Variants in LYST observed in about 807,000 individuals in gnomAD.
LYST encodes lysosomal-trafficking regulator.
LYST carries 192 observed loss-of-function variants against 413.6 expected under a neutral mutation model. The ratio of observed to expected loss-of-function variants is 0.46; its 90% CI spans 0.41 to 0.52. The LOEUF (loss-of-function observed/expected upper bound fraction) is 0.52. Ranked by LOEUF, LYST falls within the 20% of genes least tolerant of loss-of-function variation. The probability of loss-of-function intolerance (pLI) is 0.00; values close to 1 mark genes in which losing one functional copy is unlikely to be tolerated. For synonymous variants in LYST, 1,525 were observed against 1,567.3 expected (o/e 0.97, Z 0.64); for missense variants, 3,815 against 4,499.9 (o/e 0.85, Z 4.35).
Position 235,808,656 on chromosome 1 carries a change from T to C in LYST, c.2162A>G (p.Lys721Arg). The change falls in exon 5 of 53, where the codon AAA (lysine) becomes AGA (arginine). Residue 721 changes from lysine (K) to arginine (R), a missense_variant. By Grantham distance (26) the Lys-to-Arg change is conservative. Around this residue, in one of 4 missense-constraint regions of LYST, gnomAD observed 1,648 missense variants for 1,810.3 expected, o/e 0.91. Coordinates refer to ENST00000389793, the MANE Select transcript of LYST (RefSeq NM_000081.4). ...IANHICNLIQ[K>R]GNIVVQWKLY... ...TTTCCACTGAACAACTATATTGCCTTTCTGGATTAAATTGCAAATGTGATT... is the reference window on the plus strand; with the variant it reads ...TTTCCACTGAACAACTATATTGCCTCTCTGGATTAAATTGCAAATGTGATT... The C allele has an allele frequency of 6.2e-7, 1 of 1,613,478 alleles. No homozygotes were observed. Among genetic ancestry groups the C allele is most frequent in the Admixed American group, 1.7e-5 (1 of 59,960 alleles).
chr1:235,754,414 TACAG>T (rs1324254281), intron 25 of LYST, among the ~76,000 whole-genome samples: 1 of 151,834 alleles, frequency 6.6e-6, no homozygotes, highest in Non-Finnish European at 1.5e-5. Flanking sequence ...GTATTTTTAG[TACAG>T]ACAGTTTCAT....
In LYST at chr1:235,788,811, A is replaced by T. The variant is rs117609949; in HGVS notation, c.4578T>A (p.Asn1526Lys). 83 of 1,613,738 alleles carry T rather than the reference A, an allele frequency of 5.1e-5. No homozygotes were observed. In the East Asian group the frequency reaches 1.7e-3, roughly 33 times the overall value. Residue 1526 changes from asparagine to lysine, a missense_variant, in exon 13 of 53, where the codon AAT (asparagine) becomes AAA (lysine). Coordinates refer to ENST00000389793, the MANE Select transcript of LYST (RefSeq NM_000081.4). ...CTTCTTCTATGAGTCTTTCACCAGGATTTATGTACTCTGCACCTTCTGGTC... is the reference window on the plus strand; with the variant it reads ...CTTCTTCTATGAGTCTTTCACCAGGTTTTATGTACTCTGCACCTTCTGGTC... ...SDRPEGAEYI[N>K]PGERLIEEGC...
Position 235,662,991 on chromosome 1 carries a change from G to A in LYST, c.11355C>T (p.Arg3785=), listed in dbSNP as rs150849914. The change falls in exon 53 of 53, where the codon CGC becomes CGT. Residue 3785 remains arginine (R), a synonymous_variant. Transcript: ENST00000389793. ...VIAWCRKDQQ[R]LKQPMFYSFL... Reference sequence around the variant, plus strand: ...AGGAATAGAACATTGGCTGTTTCAAGCGCTGCTGGTCCTTCCGACACCAGG... The same window carrying A: ...AGGAATAGAACATTGGCTGTTTCAAACGCTGCTGGTCCTTCCGACACCAGG... 6.2e-7 allele frequency: 1 copy of A among 1,613,796 alleles called. No homozygotes were observed. The highest frequency in any genetic ancestry group is 8.5e-7 in the Non-Finnish European group (1 of 1,179,730).
Position 235,805,866 on chromosome 1 carries a change from T to C in LYST, c.3270A>G (p.Leu1090=), listed in dbSNP as rs765667505. 2 of 1,613,870 alleles carry C rather than the reference T, an allele frequency of 1.2e-6. No individual in the cohort carries two copies. Among genetic ancestry groups the C allele is most frequent in the Admixed American group, 1.7e-5 (1 of 59,972 alleles). Residue 1090 remains leucine (L), a synonymous_variant, in exon 6 of 53, where the codon CTA becomes CTG. Coordinates refer to ENST00000389793, the MANE Select transcript of LYST (RefSeq NM_000081.4). ...AGGTCTCACTTTCTTGACTTGTAAA[T>C]AGCTTTGCTTCCTCGGGAGCGGCTT... is the stretch of plus-strand genomic sequence containing the variant. ...ATEAAPEEAK[L]FTSQESETSL...
intron 46 of LYST, among the ~76,000 whole-genome samples, chr1:235,695,629 A>ATTTTTTTTTTTTTTTTTT (rs148101450): frequency 9.4e-5 from 11 of 116,418 alleles, no homozygotes; most frequent in African/African-American, 3.7e-4. Context: ...CAGTACTCTA[A>ATTTTTTTTTTTTTTTTTT]TTTTTTTTTT....
chr1:235,706,128 A>G (rs1339332096), intron 44 of LYST, among the ~76,000 whole-genome samples: 2 of 152,160 alleles, frequency 1.3e-5, no homozygotes, highest in Non-Finnish European at 2.9e-5. Context: ...TTGGAATCAA[A>G]TGAAGCTCAA....
At chr1:235,827,308 A>G (rs921954147) in intron 3 of LYST, 1 of 379,216 alleles carries the variant, frequency 2.6e-6, no homozygotes, top group African/African-American at 2.2e-5. Context: ...GGCTGAGGTT[A>G]CAGTGAGCCA....
At position 235,826,448 on chromosome 1, in the gene LYST, A is replaced by G. The variant is rs535717461; in HGVS notation, c.192+3778T>C. ...CAATGAAATACTAATCAGAAATTAA[A>G]AAGTAGTGAACTACTGAATTATGCA... On this transcript the variant is annotated intron_variant, in intron 3 of 52. Transcript: ENST00000389793. 2.0e-5 allele frequency among the ~76,000 whole-genome samples: 3 copies of G among 152,364 alleles called. No individual in the cohort carries two copies. In the South Asian group the frequency reaches 6.2e-4, roughly 32 times the overall value.
chr1:235,792,078 A>G lies in LYST; in HGVS notation c.4164T>C (p.Thr1388=), dbSNP rs1558251771. 1 of 1,613,458 alleles carries G rather than the reference A, an allele frequency of 6.2e-7. No homozygotes were observed. Among genetic ancestry groups the G allele is most frequent in the Non-Finnish European group, 8.5e-7 (1 of 1,179,442 alleles). ...AGGTTAGATACTGTGAAGGGCTCAT[A>G]GTAGTATCACTTTCAATAATTTTCA... is the stretch of plus-strand genomic sequence containing the variant. The part of the protein sequence containing the change: ...GILKIIESDT[T]MSPSQYLTFP... Residue 1388 remains threonine (T), a synonymous_variant, in exon 12 of 53, where the codon ACT becomes ACC. Transcript: ENST00000389793.
At position 235,830,440 on chromosome 1, in the gene LYST, T is replaced by C. The variant is rs114673990; in HGVS notation, c.-7-16A>G. 1.6e-3 allele frequency: 2,568 copies of C among 1,560,442 alleles called. 38 individuals are homozygous for C. In the African/African-American group the frequency reaches 0.031, roughly 19 times the overall value. The stretch of plus-strand genomic sequence containing the variant: ...CATGACCGAGCTATAAAATAAGTAT[T>C]ACAAAAAAAAAAGATTAGGAAAACA... On this transcript the variant is annotated splice_polypyrimidine_tract_variant and intron_variant, in intron 2 of 52. Transcript: ENST00000389793.
At chr1:235,866,268 C>T (rs1680496514) in intron 1 of LYST, among the ~76,000 whole-genome samples, 1 of 152,158 alleles carries the variant, frequency 6.6e-6, no homozygotes, top group African/African-American at 2.4e-5. Flanking sequence ...GAGAGGCTCT[C>T]GCCCAGTCAA....
chr1:235,746,539 T>C lies in LYST; in HGVS notation c.7781-12A>G. ...AAATTTTCGAGGACCTTTAAAAGTATATAAATTAAAACATCAAATCCCAGT... is the reference window on the plus strand; with the variant it reads ...AAATTTTCGAGGACCTTTAAAAGTACATAAATTAAAACATCAAATCCCAGT... On this transcript the variant is annotated splice_polypyrimidine_tract_variant and intron_variant, in intron 28 of 52. Coordinates refer to ENST00000389793, the MANE Select transcript of LYST (RefSeq NM_000081.4). 6.3e-7 allele frequency: 1 copy of C among 1,597,980 alleles called. No individual in the cohort carries two copies. Among genetic ancestry groups the C allele is most frequent in the South Asian group, 1.1e-5 (1 of 90,246 alleles).
intron 1 of LYST, among the ~76,000 whole-genome samples, chr1:235,873,331 C>T (rs1216262410): frequency 6.6e-6 from 1 of 152,168 alleles, no homozygotes; most frequent in East Asian, 1.9e-4. Context: ...TTGTGGGCAA[C>T]AGTGTCATTA....
At chr1:235,677,678 T>G in intron 48 of LYST, 59 bp from the exon 49 acceptor site, 3 of 1,345,040 alleles carry the variant, frequency 2.2e-6, no homozygotes, top group South Asian at 2.4e-5. Context: ...TCTAGTATAG[T>G]ATCTCAAAAA....
In LYST at chr1:235,709,428, T is replaced by TATAAACAGTATAAACAGTATAAAC; in HGVS notation, c.9926-121_9926-120insGTTTATACTGTTTATACTGTTTAT. The TATAAACAGTATAAACAGTATAAAC allele has an allele frequency of 6.8e-5, 51 of 746,920 alleles. 1 individual carries two copies. The African/African-American group carries it at 6.9e-4, about 10-fold the overall frequency. 46.3% of individuals were successfully genotyped at this position (746,920 alleles called of 1,614,324 possible). A position where few individuals can be genotyped will look rare whatever the true frequency, so the allele number is the denominator to read the frequency against. On this transcript the variant is annotated intron_variant, in intron 43 of 52. Coordinates refer to ENST00000389793, the MANE Select transcript of LYST (RefSeq NM_000081.4). ...TGTGTGCTACAACCAAAAAAGGGAA[T>TATAAACAGTATAAACAGTATAAAC]AGCAAGGAGGATTTACATTTTGAAT...
chr1:235,689,015 A>C, intron 47 of LYST, among the ~76,000 whole-genome samples: 1 of 138,434 alleles, frequency 7.2e-6, no homozygotes, highest in African/African-American at 2.8e-5. Flanking sequence ...TAATAATAAT[A>C]ATAATAATAA....
chr1:235,755,080 CAAAAAAAA>C (rs763926458), intron 25 of LYST, among the ~76,000 whole-genome samples: 4 of 28,986 alleles, frequency 1.4e-4, no homozygotes, highest in African/African-American at 4.0e-4. Flanking sequence ...GACATTGTCT[CAAAAAAAA>C]AAAAAAAAAA....
At chr1:235,793,864 G>A (rs1038788715) in intron 10 of LYST, among the ~76,000 whole-genome samples, 3 of 151,748 alleles carry the variant, frequency 2.0e-5, no homozygotes, top group East Asian at 1.9e-4. Flanking sequence ...ACAGAGGCTC[G>A]CTCTGTCACC....
intron 3 of LYST, among the ~76,000 whole-genome samples, chr1:235,821,255 G>A (rs912872924): frequency 2.6e-5 from 4 of 152,156 alleles, no homozygotes; most frequent in Admixed American, 1.3e-4. Context: ...TGGGCAACAC[G>A]GTGAAACCCC....
Sources: allele counts gnomAD v4.1 joint callset (sites outside exome capture counted in the v4.1 genomes callset), GRCh38; gene constraint gnomAD v4.1.1; regional missense constraint gnomAD v4.1.1; transcripts MANE v1.5; gene names NCBI Gene and HGNC (gene_info 2026-07-23, HGNC 2026-07-21).